Variants in FMN1 observed in about 807,000 individuals in gnomAD.
FMN1 encodes the protein formin-1.
FMN1 carries 110 observed loss-of-function variants against 132.4 expected under a neutral mutation model. That is an observed-to-expected ratio of 0.83 (90% CI 0.71 to 0.97). The LOEUF is 0.97. FMN1 is among the 50% of genes least tolerant of loss of function. FMN1 has a pLI of 0.00. For synonymous variants in FMN1, 722 were observed against 651.7 expected, an observed-to-expected ratio of 1.11 and a Z score of -1.64; for missense variants, 1,792 against 1,705.3, an observed-to-expected ratio of 1.05 and a Z score of -0.90.
chr15:32,981,543 A>AATAATTATTATT (rs574939662), intron 7 of FMN1, among the ~76,000 whole-genome samples: 3 of 138,400 alleles, frequency 2.2e-5, no homozygotes, highest in East Asian at 4.1e-4. Flanking sequence ...TAATAATAAT[A>AATAATTATTATT]ATTATTATTA....
intron 5 of FMN1, among the ~76,000 whole-genome samples, chr15:33,075,242 T>C (rs1595414155): frequency 6.6e-6 from 1 of 151,962 alleles, no homozygotes; most frequent in East Asian, 1.9e-4. Flanking sequence ...CTGCAGTAAG[T>C]AGGATATGTT....
At chr15:32,966,820 C>A (rs768117547) in intron 8 of FMN1, among the ~76,000 whole-genome samples, 4 of 152,190 alleles carry the variant, frequency 2.6e-5, no homozygotes, top group Non-Finnish European at 5.9e-5. Flanking sequence ...GATTTTGCCT[C>A]CTTTATGAGA....
rs764364553 is a variant in FMN1 at position 32,805,495 on chromosome 15, CTTTAG to C, written c.3929-1168_3929-1164del. Among the ~76,000 whole-genome samples, 7 of 152,250 alleles carry C rather than the reference CTTTAG, an allele frequency of 4.6e-5. No homozygotes were observed. In the East Asian group the frequency reaches 9.6e-4, roughly 21 times the overall value. On this transcript the variant is annotated intron_variant, in intron 17 of 20. Transcript: ENST00000616417. ...CAGTTTCTTCTGCTGTGCAGAAGCTCTTTAGTTTAATTAGATCCCATTTATCTATT... is the reference window on the plus strand; with the variant it reads ...CAGTTTCTTCTGCTGTGCAGAAGCTCTTTAATTAGATCCCATTTATCTATT...
At chr15:32,979,977 T>G (rs762711722) in intron 7 of FMN1, among the ~76,000 whole-genome samples, 1 of 152,196 alleles carries the variant, frequency 6.6e-6, no homozygotes, top group Non-Finnish European at 1.5e-5. Context: ...CCTTGCCACT[T>G]TGAGTTTTAC....
intron 4 of FMN1, among the ~76,000 whole-genome samples, chr15:33,134,623 C>T (rs1464423304): frequency 2.0e-5 from 3 of 152,124 alleles, no homozygotes; most frequent in East Asian, 1.9e-4. Context: ...TGGAGAGCAC[C>T]GAAAGGAGAA....
chr15:32,943,875 G>T (rs56335194), intron 9 of FMN1, among the ~76,000 whole-genome samples: 1 of 152,108 alleles, frequency 6.6e-6, no homozygotes, highest in African/African-American at 2.4e-5. Flanking sequence ...TGAGAGTTTC[G>T]CAATGGAAAG....
At chr15:32,835,246 C>T (rs1171641702) in intron 17 of FMN1, among the ~76,000 whole-genome samples, 1 of 152,172 alleles carries the variant, frequency 6.6e-6, no homozygotes, top group Non-Finnish European at 1.5e-5. Flanking sequence ...GGAAAGCAGA[C>T]TATTCAGATA....
At chr15:33,137,078 AC>A (rs1963802356) in intron 4 of FMN1, among the ~76,000 whole-genome samples, 1 of 114,982 alleles carries the variant, frequency 8.7e-6, no homozygotes, top group South Asian at 3.5e-4. Context: ...ACAGAGCAAG[AC>A]CCCGTCTCAA....
chr15:33,158,587 T>C (rs1025033588), intron 3 of FMN1, among the ~76,000 whole-genome samples: 2 of 152,192 alleles, frequency 1.3e-5, no homozygotes, highest in African/African-American at 4.8e-5. Context: ...GTTTGTCTCA[T>C]GATCTTGGGA....
chr15:32,982,877 A>T (rs1318668640), intron 7 of FMN1, among the ~76,000 whole-genome samples: 1 of 152,100 alleles, frequency 6.6e-6, no homozygotes, highest in Non-Finnish European at 1.5e-5. Flanking sequence ...CCACAGCTAT[A>T]CTGTCGGCCC....
intron 9 of FMN1, among the ~76,000 whole-genome samples, chr15:32,942,666 A>T (rs1470444940): frequency 3.3e-5 from 5 of 152,210 alleles, no homozygotes; most frequent in Non-Finnish European, 7.3e-5. Flanking sequence ...TACCTATACC[A>T]GATCGAGTGC....
intron 5 of FMN1, among the ~76,000 whole-genome samples, chr15:33,066,189 C>A (rs560097755): frequency 6.5e-4 from 99 of 152,182 alleles, no homozygotes; most frequent in Non-Finnish European, 1.3e-3. Flanking sequence ...GCTATACTGC[C>A]ATCTTGCATC....
At chr15:33,022,807 G>C (rs1156385979) in intron 6 of FMN1, among the ~76,000 whole-genome samples, 2 of 152,098 alleles carry the variant, frequency 1.3e-5, no homozygotes, top group African/African-American at 4.8e-5. Flanking sequence ...GCCCAGACTT[G>C]TTGCCTAGAA....
intron 7 of FMN1, among the ~76,000 whole-genome samples, chr15:33,001,915 C>A (rs1468951378): frequency 6.6e-6 from 1 of 152,094 alleles, no homozygotes; most frequent in Non-Finnish European, 1.5e-5. Context: ...CCCCCACTTA[C>A]TGCCCATGGA....
At chr15:33,072,848 A>G (rs972463322) in intron 5 of FMN1, among the ~76,000 whole-genome samples, 1 of 151,000 alleles carries the variant, frequency 6.6e-6, no homozygotes, top group African/African-American at 2.4e-5. Context: ...ACTTGAACCC[A>G]TGAGGTGGAG....
chr15:32,808,544 G>C lies in FMN1; in HGVS notation c.3929-4212C>G, dbSNP rs80326037. ...TGGGTTTTGCACCAGGTGGACCTGGGTTTAATTTCTGCTCTGATACTTATT... is the reference window on the plus strand; with the variant it reads ...TGGGTTTTGCACCAGGTGGACCTGGCTTTAATTTCTGCTCTGATACTTATT... On this transcript the variant is annotated intron_variant, in intron 17 of 20. Coordinates refer to ENST00000616417, the MANE Select transcript of FMN1 (RefSeq NM_001277313.2). 5.4e-3 allele frequency among the ~76,000 whole-genome samples: 823 copies of C among 152,318 alleles called. 45 individuals carry two copies. In the East Asian group the frequency reaches 0.13, roughly 23 times the overall value.
intron 9 of FMN1, among the ~76,000 whole-genome samples, chr15:32,956,508 A>G (rs1274416481): frequency 6.6e-6 from 1 of 152,158 alleles, no homozygotes; most frequent in Non-Finnish European, 1.5e-5. Context: ...GCGGCCAGTC[A>G]GGAGTCCTTA....
At chr15:33,013,131 G>A (rs1419167832) in intron 6 of FMN1, 1 of 399,278 alleles carries the variant, frequency 2.5e-6, no homozygotes. Context: ...GGAAGCTATA[G>A]GTTGCAACAG....
intron 17 of FMN1, among the ~76,000 whole-genome samples, chr15:32,805,216 GGT>G (rs1163003331): frequency 1.3e-5 from 2 of 152,150 alleles, no homozygotes; most frequent in Non-Finnish European, 2.9e-5. Context: ...GGAGTGAGAT[GGT>G]GTGTCATTGT....
Sources: allele counts gnomAD v4.1 joint callset (sites outside exome capture counted in the v4.1 genomes callset), GRCh38; gene constraint gnomAD v4.1.1; transcripts MANE v1.5; gene names NCBI Gene and HGNC (gene_info 2026-07-23, HGNC 2026-07-21).